The following SLC25A12 variants were observed in gnomAD, a reference collection of about 807,000 sequenced individuals.
The protein encoded by SLC25A12 is solute carrier family 25 member 12, also known as electrogenic aspartate/glutamate antiporter SLC25A12, mitochondrial.
In SLC25A12, 32 loss-of-function variants were observed where a neutral mutation model predicts 83.3. The ratio of observed to expected loss-of-function variants is 0.38; its 90% CI spans 0.29 to 0.52. SLC25A12 has a LOEUF of 0.52. SLC25A12 is among the 20% of genes least tolerant of loss of function. The pLI is 0.84. For missense variants in SLC25A12, 611 were observed against 835.6 expected, an observed-to-expected ratio of 0.73 and a Z score of 3.31; for synonymous variants, 267 against 291.1, an observed-to-expected ratio of 0.92 and a Z score of 0.84.
chr2:171,786,382 T>TAAAAAAA (rs5836348), intron 17 of SLC25A12, among the ~76,000 whole-genome samples: 1 of 85,796 alleles, frequency 1.2e-5, no homozygotes, highest in African/African-American at 4.5e-5. Context: ...AGACTCCGTC[T>TAAAAAAA]AAAAAAAAAA....
At chr2:171,806,122 GA>G (rs1339073211) in intron 13 of SLC25A12, among the ~76,000 whole-genome samples, 1 of 151,910 alleles carries the variant, frequency 6.6e-6, no homozygotes, top group Non-Finnish European at 1.5e-5. Flanking sequence ...CAAAAAAGAA[GA>G]AAAACAAACA....
intron 2 of SLC25A12, among the ~76,000 whole-genome samples, chr2:171,884,931 C>T (rs763144069): frequency 4.6e-5 from 7 of 151,564 alleles, no homozygotes; most frequent in Non-Finnish European, 7.4e-5. Context: ...GTGTATTGAT[C>T]GGCCAGGTGC....
intron 15 of SLC25A12, chr2:171,788,325 T>G: frequency 4.4e-6 from 1 of 229,466 alleles, no homozygotes; most frequent in South Asian, 5.8e-5. Context: ...TATAAAAAAA[T>G]GATAATGTCA....
At chr2:171,815,880 A>G (rs1185184206) in intron 9 of SLC25A12, among the ~76,000 whole-genome samples, 4 of 152,084 alleles carry the variant, frequency 2.6e-5, no homozygotes, top group African/African-American at 9.7e-5. Context: ...ATGACAGAAT[A>G]AACTAAATAA....
chr2:171,843,431 C>CA (rs60476561), intron 5 of SLC25A12, among the ~76,000 whole-genome samples: 151,667 of 152,108 alleles, frequency 1, 75,616 homozygotes, highest in Middle Eastern at 1. Flanking sequence ...GCCAGGAGTT[C>CA]AGACCAGCCT....
At chr2:171,810,315 C>T (rs779595476) in intron 11 of SLC25A12, 39 bp from the exon 12 acceptor site, 3 of 1,517,038 alleles carry the variant, frequency 2.0e-6, no homozygotes, top group South Asian at 1.1e-5. Context: ...TATAGCTGTA[C>T]CAGACATGAA....
intron 4 of SLC25A12, among the ~76,000 whole-genome samples, chr2:171,854,836 G>A (rs1485772174): frequency 6.6e-6 from 1 of 152,156 alleles, no homozygotes; most frequent in East Asian, 1.9e-4. Flanking sequence ...TAGTGAATAA[G>A]TGTTTAATGC....
chr2:171,885,612 C>T (rs538143469), intron 2 of SLC25A12, among the ~76,000 whole-genome samples: 1 of 152,206 alleles, frequency 6.6e-6, no homozygotes, highest in East Asian at 1.9e-4. Context: ...GCGGAGGTTG[C>T]AGTGAGCCAA....
chr2:171,854,870 T>A (rs929481747), intron 4 of SLC25A12, among the ~76,000 whole-genome samples: 2 of 152,214 alleles, frequency 1.3e-5, no homozygotes, highest in African/African-American at 2.4e-5. Context: ...AAGCCTGATT[T>A]TCAAGGGTGT....
At chr2:171,870,947 C>T (rs1336181637) in intron 2 of SLC25A12, among the ~76,000 whole-genome samples, 1 of 152,094 alleles carries the variant, frequency 6.6e-6, no homozygotes, top group African/African-American at 2.4e-5. Flanking sequence ...TGGCTCACAC[C>T]TGTAATCCCA....
At chr2:171,875,046 T>C (rs1337106392) in intron 2 of SLC25A12, among the ~76,000 whole-genome samples, 2 of 152,216 alleles carry the variant, frequency 1.3e-5, no homozygotes, top group African/African-American at 4.8e-5. Context: ...AAATACAACG[T>C]TGTAACTTTC....
intron 10 of SLC25A12, 64 bp from the exon 11 acceptor site, chr2:171,813,561 G>A: frequency 6.7e-7 from 1 of 1,495,080 alleles, no homozygotes; most frequent in Non-Finnish European, 9.3e-7. Context: ...CCATAAGGAT[G>A]ACAAATCTTA....
At chr2:171,885,075 T>C (rs542358559) in intron 2 of SLC25A12, among the ~76,000 whole-genome samples, 152 of 149,334 alleles carry the variant, frequency 1.0e-3, no homozygotes, top group Middle Eastern at 3.6e-3. Flanking sequence ...TAGCTGGGCG[T>C]GGTGGCGGGC....
At chr2:171,872,917 G>T (rs1685487088) in intron 2 of SLC25A12, among the ~76,000 whole-genome samples, 1 of 151,978 alleles carries the variant, frequency 6.6e-6, no homozygotes, top group East Asian at 1.9e-4. Context: ...TGGTAATAAA[G>T]AGAGCGTATA....
At chr2:171,829,153 A>AT (rs1309423928) in intron 8 of SLC25A12, among the ~76,000 whole-genome samples, 4 of 152,200 alleles carry the variant, frequency 2.6e-5, no homozygotes, top group Admixed American at 6.5e-5. Context: ...AAAACATCTG[A>AT]TTTTTTTTAA....
intron 9 of SLC25A12, among the ~76,000 whole-genome samples, chr2:171,815,567 A>C (rs1292337419): frequency 6.6e-6 from 1 of 152,194 alleles, no homozygotes; most frequent in Admixed American, 6.5e-5. Flanking sequence ...TTCAGTTATA[A>C]AATTTTTTTC....
intron 13 of SLC25A12, among the ~76,000 whole-genome samples, chr2:171,800,222 T>A (rs1683682724): frequency 6.6e-6 from 1 of 152,162 alleles, no homozygotes; most frequent in Non-Finnish European, 1.5e-5. Flanking sequence ...ACAACACATC[T>A]GTTTGACAAA....
chr2:171,816,992 G>T (rs1315781212), intron 9 of SLC25A12, among the ~76,000 whole-genome samples: 2 of 152,028 alleles, frequency 1.3e-5, no homozygotes, highest in Non-Finnish European at 2.9e-5. Flanking sequence ...CTCATGATAG[G>T]ATTAGTGCCA....
At chr2:171,802,312 A>T (rs1683724684) in intron 13 of SLC25A12, among the ~76,000 whole-genome samples, 2 of 152,206 alleles carry the variant, frequency 1.3e-5, no homozygotes, top group African/African-American at 4.8e-5. Flanking sequence ...AGCCAAGGTC[A>T]GGCAATTTAA....
Sources: allele counts gnomAD v4.1 joint callset (sites outside exome capture counted in the v4.1 genomes callset), GRCh38; gene constraint gnomAD v4.1.1; transcripts MANE v1.5; gene names NCBI Gene and HGNC (gene_info 2026-07-23, HGNC 2026-07-21).